The following GAS7 variants were observed in gnomAD, a reference collection of about 807,000 sequenced individuals.
The protein encoded by GAS7 is growth arrest-specific protein 7.
GAS7 carries 28 observed loss-of-function variants against 71.1 expected under a neutral mutation model. The ratio of observed to expected loss-of-function variants is 0.39; its 90% CI spans 0.29 to 0.54. GAS7 has a LOEUF of 0.54. Ranked by LOEUF, GAS7 falls within the 20% of genes least tolerant of loss-of-function variation. GAS7 has a pLI of 0.62. For synonymous variants in GAS7, 258 were observed against 245.8 expected, an observed-to-expected ratio of 1.05 and a Z score of -0.46; for missense variants, 436 against 627.8, an observed-to-expected ratio of 0.69 and a Z score of 3.27.
chr17:10,181,144 G>T (rs927568808), intron 1 of GAS7, among the ~76,000 whole-genome samples: 1 of 146,452 alleles, frequency 6.8e-6, no homozygotes, highest in Non-Finnish European at 1.5e-5. Flanking sequence ...GGCACATCAC[G>T]AGGTCAGGAG....
At chr17:10,016,967 A>G (rs182112736) in intron 2 of GAS7, among the ~76,000 whole-genome samples, 1 of 147,308 alleles carries the variant, frequency 6.8e-6, no homozygotes, top group Non-Finnish European at 1.5e-5. Context: ...TAAAAAATAT[A>G]AAAAAATAAA....
intron 1 of GAS7, among the ~76,000 whole-genome samples, chr17:10,102,599 G>A (rs1283413335): frequency 6.6e-6 from 1 of 152,096 alleles, no homozygotes; most frequent in Admixed American, 6.6e-5. Flanking sequence ...TATTCCAGTG[G>A]TCATCCCCTG....
At chr17:10,074,145 G>A (rs2073368378) in intron 1 of GAS7, among the ~76,000 whole-genome samples, 1 of 152,176 alleles carries the variant, frequency 6.6e-6, no homozygotes, top group Non-Finnish European at 1.5e-5. Flanking sequence ...TGAGAAAGGA[G>A]TGGGCGTCCA....
In GAS7 at chr17:9,916,971, G is replaced by C; in HGVS notation, c.*257C>G. ...AGTTCCAGCCTCTGTTTGTTTCAGAGCGGCAAGCACAGCATGGGAGTCAGG... is the reference window on the plus strand; with the variant it reads ...AGTTCCAGCCTCTGTTTGTTTCAGACCGGCAAGCACAGCATGGGAGTCAGG... On this transcript the variant is annotated 3_prime_UTR_variant, in exon 14 of 14. Coordinates refer to ENST00000432992, the MANE Select transcript of GAS7 (RefSeq NM_201433.2). 1.9e-6 allele frequency: 1 copy of C among 538,152 alleles called. No individual in the cohort carries two copies. The highest frequency in any genetic ancestry group is 3.3e-6 in the Non-Finnish European group (1 of 301,892). 33.3% of individuals were successfully genotyped at this position (538,152 alleles called of 1,614,324 possible). A position where few individuals can be genotyped will look rare whatever the true frequency, so the allele number is the denominator to read the frequency against.
At chr17:10,138,100 C>T (rs1597813529) in intron 1 of GAS7, among the ~76,000 whole-genome samples, 1 of 151,880 alleles carries the variant, frequency 6.6e-6, no homozygotes, top group East Asian at 1.9e-4. Flanking sequence ...GTAGCTGGGA[C>T]TACAGGCGCC....
At chr17:10,124,769 T>G (rs1384035480) in intron 1 of GAS7, among the ~76,000 whole-genome samples, 1 of 151,826 alleles carries the variant, frequency 6.6e-6, no homozygotes, top group Middle Eastern at 3.2e-3. Flanking sequence ...AATACAAAAA[T>G]TAGCTGAGCA....
rs778171395 is a variant in GAS7 at position 9,918,107 on chromosome 17, G to C, written c.1219-8C>G. 31 of 1,606,768 alleles carry C rather than the reference G, an allele frequency of 1.9e-5. No individual in the cohort carries two copies. Among genetic ancestry groups the C allele is most frequent in the Non-Finnish European group, 2.6e-5 (30 of 1,174,114 alleles). On this transcript the variant is annotated splice_polypyrimidine_tract_variant and splice_region_variant and intron_variant, in intron 12 of 13. Coordinates refer to ENST00000432992, the MANE Select transcript of GAS7 (RefSeq NM_201433.2). ...CTCCAGCCGCTCTAGCTCCTGCCGA[G>C]AAAGCAAAGGCCAGAGAACTCTGAG... is the stretch of plus-strand genomic sequence containing the variant.
intron 1 of GAS7, among the ~76,000 whole-genome samples, chr17:10,080,630 T>C (rs1174439037): frequency 1.1e-4 from 16 of 152,202 alleles, no homozygotes; most frequent in Admixed American, 1.0e-3. Context: ...AATGGGAATA[T>C]ACAACTTGTT....
In GAS7 at chr17:9,969,628, GGCCT is replaced by G. The variant is rs2069871281; in HGVS notation, c.471+45_471+48del. 7 of 1,116,174 alleles carry G rather than the reference GGCCT, an allele frequency of 6.3e-6. No homozygotes were observed. Among genetic ancestry groups the G allele is most frequent in the Non-Finnish European group, 9.6e-6 (7 of 726,716 alleles). 69.1% of individuals were successfully genotyped at this position (1,116,174 alleles called of 1,614,324 possible). A position where few individuals can be genotyped will look rare whatever the true frequency, so the allele number is the denominator to read the frequency against. ...ATGGACTTTGTAATGCAGTTTCCTA[GGCCT>G]GCAGAAGCAGTGACCGCTATACCTC... On this transcript the variant is annotated intron_variant, in intron 4 of 13. Transcript: ENST00000432992. The surrounding 1 kb of genome is among the most constrained non-coding windows in gnomAD (Gnocchi z 5.5).
chr17:9,975,364 C>T (rs1567844307), intron 3 of GAS7, among the ~76,000 whole-genome samples: 1 of 151,464 alleles, frequency 6.6e-6, no homozygotes, highest in Non-Finnish European at 1.5e-5. Flanking sequence ...CAAAACAAAC[C>T]AAAAAAAACA....
chr17:10,021,836 G>A (rs562304759), intron 1 of GAS7, among the ~76,000 whole-genome samples: 75 of 152,320 alleles, frequency 4.9e-4, no homozygotes, highest in African/African-American at 1.6e-3. Context: ...GCATGTGTGC[G>A]TGTGTGTGCG....
intron 3 of GAS7, among the ~76,000 whole-genome samples, chr17:9,973,344 C>G (rs1349143722): frequency 2.0e-5 from 3 of 151,808 alleles, no homozygotes; most frequent in African/African-American, 7.3e-5. Context: ...ACCTCCGCCT[C>G]CCGGGTTCAA....
intron 1 of GAS7, among the ~76,000 whole-genome samples, chr17:10,120,249 C>A (rs186945271): frequency 2.6e-5 from 4 of 152,170 alleles, no homozygotes; most frequent in African/African-American, 9.7e-5. Flanking sequence ...GGCCAGCCAC[C>A]GGCCACCTCC....
Position 9,926,957 on chromosome 17 carries a change from G to T in GAS7, c.886-188C>A. ...TGCCTATCAGGTCTCAGCTTAGGCAGGTCACCTTAGCTCAGGAGGCCCCCA... is the reference window on the plus strand; with the variant it reads ...TGCCTATCAGGTCTCAGCTTAGGCATGTCACCTTAGCTCAGGAGGCCCCCA... On this transcript the variant is annotated intron_variant, in intron 9 of 13. Coordinates refer to ENST00000432992, the MANE Select transcript of GAS7 (RefSeq NM_201433.2). This position sits in a 1 kb window ranked among gnomAD's most constrained non-coding sequence, Gnocchi z 5.0. 1 of 607,400 alleles carries T rather than the reference G, an allele frequency of 1.6e-6. No individual in the cohort carries two copies. The highest frequency in any genetic ancestry group is 2.9e-6 in the Non-Finnish European group (1 of 339,050). The allele number at this position is 607,400 out of a possible 1,614,324, so 37.6% of individuals were successfully genotyped here.
At chr17:10,197,857 C>T (rs111426481) in intron 1 of GAS7, among the ~76,000 whole-genome samples, 1,826 of 152,338 alleles carry the variant, frequency 0.012, 31 homozygotes, top group African/African-American at 0.041. Context: ...TGCCTCTTCC[C>T]AAGACCGCCA....
chr17:9,918,241 C>T lies in GAS7; in HGVS notation c.1219-142G>A, dbSNP rs911043045. The T allele has an allele frequency of 4.8e-6, 3 of 621,830 alleles. No homozygotes were observed. The African/African-American group carries it at 5.5e-5, about 11-fold the overall frequency. The allele number at this position is 621,830 out of a possible 1,614,324, so 38.5% of individuals were successfully genotyped here. A position where few individuals can be genotyped will look rare whatever the true frequency, so the allele number is the denominator to read the frequency against. ...TCTGGGGTCTGATGAAGAGCGTGCC[C>T]CATATCTAAGGTGAAGGTGAAGCTG... is the stretch of plus-strand genomic sequence containing the variant. On this transcript the variant is annotated intron_variant, in intron 12 of 13. Coordinates refer to ENST00000432992, the MANE Select transcript of GAS7 (RefSeq NM_201433.2).
chr17:9,926,596 A>G lies in GAS7; in HGVS notation c.1014+45T>C. On this transcript the variant is annotated intron_variant, in intron 10 of 13. Transcript: ENST00000432992. This position sits in a 1 kb window ranked among gnomAD's most constrained non-coding sequence, Gnocchi z 5.0. ...CTTCCCAGTCCCCCTTCTTCCAGGC[A>G]GTCCCCCATGCACCTGCCCTGGCCC... 6.2e-7 allele frequency: 1 copy of G among 1,602,752 alleles called. No individual in the cohort carries two copies. The highest frequency in any genetic ancestry group is 1.1e-5 in the South Asian group (1 of 90,958).
chr17:9,984,551 C>T (rs1447632022), intron 2 of GAS7, among the ~76,000 whole-genome samples: 1 of 152,216 alleles, frequency 6.6e-6, no homozygotes, highest in African/African-American at 2.4e-5. Flanking sequence ...AAGGGACCCA[C>T]TGGCTGGCAA....
intron 1 of GAS7, among the ~76,000 whole-genome samples, chr17:10,121,492 C>T (rs1423665954): frequency 6.6e-6 from 1 of 152,196 alleles, no homozygotes; most frequent in Non-Finnish European, 1.5e-5. Context: ...TATTAAACTG[C>T]TCTGTGCCTC....
Sources: gnomAD v4.1 joint callset for allele counts (sites outside exome capture counted in the v4.1 genomes callset) on GRCh38, gnomAD v4.1.1 for gene constraint, Gnocchi (gnomAD v3.1) non-coding constraint, MANE v1.5 for transcripts, NCBI Gene and HGNC (gene_info 2026-07-23, HGNC 2026-07-21) for gene names.